The following NCOR2 variants were observed in gnomAD, a reference collection of about 807,000 sequenced individuals.
The protein encoded by NCOR2 is nuclear receptor corepressor 2, also known as CTG repeat protein 26.
In NCOR2, 81 loss-of-function variants were observed where a neutral mutation model predicts 262.9. The ratio of observed to expected loss-of-function variants is 0.31; its 90% CI spans 0.26 to 0.37. The LOEUF is 0.37. Ranked by LOEUF, NCOR2 falls within the 10% of genes least tolerant of loss-of-function variation. The pLI, the probability that NCOR2 is intolerant of heterozygous loss-of-function variation, is 1.00. For missense variants in NCOR2, 3,385 were observed against 3,621.4 expected, an observed-to-expected ratio of 0.93 and a Z score of 1.68; for synonymous variants, 1,659 against 1,559.3, an observed-to-expected ratio of 1.06 and a Z score of -1.51.
chr12:124,505,438 G>A, intron 1 of NCOR2, among the ~76,000 whole-genome samples: 1 of 151,716 alleles, frequency 6.6e-6, no homozygotes, highest in African/African-American at 2.4e-5. Flanking sequence ...AGCTATGGAG[G>A]CTGTGGGCTG....
intron 1 of NCOR2, among the ~76,000 whole-genome samples, chr12:124,559,164 CT>C (rs1356166729): frequency 3.3e-5 from 5 of 152,216 alleles, no homozygotes; most frequent in Admixed American, 3.3e-4. Context: ...TTTGACTTAC[CT>C]TTCCCCCCAC....
In NCOR2 at chr12:124,334,540, GA is replaced by G; in HGVS notation, c.6488del (p.Phe2163SerfsTer66). ...CCAGGACGGGGCAGCTGGCCCCAGG[GA>G]AGGAGTAGAGGGGGGCGGGCAGGGG... On this transcript the variant is annotated frameshift_variant, in exon 41 of 47. Transcript: ENST00000405201. LOFTEE classifies it high-confidence loss of function. 1 of 1,430,190 alleles carries G rather than the reference GA, an allele frequency of 7.0e-7. No individual in the cohort carries two copies. The highest frequency in any genetic ancestry group is 3.0e-5 in the Admixed American group (1 of 33,010). The allele number at this position is 1,430,190 out of a possible 1,614,324, so 88.6% of individuals were successfully genotyped here. A position where few individuals can be genotyped will look rare whatever the true frequency, so the allele number is the denominator to read the frequency against.
chr12:124,359,416 C>G (rs916271932), intron 22 of NCOR2, among the ~76,000 whole-genome samples: 1 of 152,232 alleles, frequency 6.6e-6, no homozygotes, highest in Non-Finnish European at 1.5e-5. Flanking sequence ...GGCAAGAAGG[C>G]CTATGTACCA....
In NCOR2 at chr12:124,481,812, C is replaced by T. The variant is rs2047508327; in HGVS notation, c.411+1784G>A. 6.6e-6 allele frequency among the ~76,000 whole-genome samples: 1 copy of T among 152,038 alleles called. No homozygotes were observed. The highest frequency in any genetic ancestry group is 1.5e-5 in the Non-Finnish European group (1 of 68,004). On this transcript the variant is annotated intron_variant, in intron 3 of 46. Transcript: ENST00000405201. The surrounding 1 kb of genome is among the most constrained non-coding windows in gnomAD (Gnocchi z 4.6). ...ACACACAGGGGGATGCAGTCGTCTG[C>T]CTTTATAAGAGCCCTCTGGCTGCTG...
upstream of NCOR2, chr12:124,495,313 C>T: frequency 1.3e-6 from 2 of 1,540,760 alleles, no homozygotes; most frequent in Non-Finnish European, 1.7e-6. This position sits in a 1 kb window ranked among gnomAD's most constrained non-coding sequence, Gnocchi z 4.4. Flanking sequence ...TAATCACCAC[C>T]AAGGATTAAA....
At chr12:124,460,954 C>T (rs546326026) in intron 5 of NCOR2, among the ~76,000 whole-genome samples, 6 of 152,356 alleles carry the variant, frequency 3.9e-5, no homozygotes, top group Admixed American at 1.3e-4. Flanking sequence ...CTTCCCCATG[C>T]GGGCCCAAGG....
chr12:124,388,336 G>A (rs527682828), intron 16 of NCOR2, among the ~76,000 whole-genome samples: 1 of 152,248 alleles, frequency 6.6e-6, no homozygotes, highest in South Asian at 2.1e-4. Flanking sequence ...CCAGGCAGAG[G>A]CTGCCAGGCA....
intron 13 of NCOR2, among the ~76,000 whole-genome samples, chr12:124,412,994 G>T (rs1180253641): frequency 2.6e-5 from 4 of 152,232 alleles, no homozygotes; most frequent in Non-Finnish European, 4.4e-5. Context: ...GGTGTCTGAG[G>T]AAGTCGGAAG....
At chr12:124,459,053 T>C (rs545312354) in intron 5 of NCOR2, among the ~76,000 whole-genome samples, 1 of 152,166 alleles carries the variant, frequency 6.6e-6, no homozygotes, top group South Asian at 2.1e-4. Context: ...TTAAGAGCAG[T>C]AACAGCAGAT....
At chr12:124,560,215 G>A (rs1324444869) in intron 1 of NCOR2, among the ~76,000 whole-genome samples, 2 of 152,180 alleles carry the variant, frequency 1.3e-5, no homozygotes, top group African/African-American at 4.8e-5. Context: ...TTCTGCAAAG[G>A]GCCAGAGAGT....
At position 124,542,020 on chromosome 12, in the gene NCOR2, A is replaced by G. The variant is rs189397248; in HGVS notation, c.-164-6409T>C. Among the ~76,000 whole-genome samples, 264 of 151,762 alleles carry G rather than the reference A, an allele frequency of 1.7e-3. 1 individual carries two copies. Among genetic ancestry groups the G allele is most frequent in the African/African-American group, 6.0e-3 (246 of 41,294 alleles). On this transcript the variant is annotated intron_variant, in intron 1 of 32. Transcript: ENST00000458234. ...GTGGAACACATAACTGAGTAGGAACAGTGTGGGGCAGGGCCAGCGAGGACA... is the reference window on the plus strand; with the variant it reads ...GTGGAACACATAACTGAGTAGGAACGGTGTGGGGCAGGGCCAGCGAGGACA...
At chr12:124,325,684 T>C in intron 46 of NCOR2, 101 bp from the exon 49 acceptor site, 4 of 758,852 alleles carry the variant, frequency 5.3e-6, no homozygotes, top group Non-Finnish European at 7.4e-6. Context: ...TCAGCGTTTC[T>C]GTCCAACAGT....
At chr12:124,339,904 C>CCCCCCCCCTATACCTCCCCCCA in intron 37 of NCOR2, 102 bp downstream of exon 39, 2 of 776,824 alleles carry the variant, frequency 2.6e-6, no homozygotes, top group Non-Finnish European at 4.0e-6. Flanking sequence ...CCCACCCACC[C>CCCCCCCCCTATACCTCCCCCCA]ACCTCCCATA....
chr12:124,555,156 T>C (rs921200341), intron 1 of NCOR2, among the ~76,000 whole-genome samples: 1 of 152,346 alleles, frequency 6.6e-6, no homozygotes, highest in East Asian at 1.9e-4. Context: ...CTAATAGTTC[T>C]GGCCACACCG....
intron 1 of NCOR2, among the ~76,000 whole-genome samples, chr12:124,505,149 C>T (rs891920305): frequency 6.6e-6 from 1 of 152,226 alleles, no homozygotes; most frequent in Non-Finnish European, 1.5e-5. Context: ...TTGCCACGTC[C>T]CCTCCTACTC....
intron 5 of NCOR2, among the ~76,000 whole-genome samples, chr12:124,463,739 G>C (rs538440552): frequency 3.8e-4 from 58 of 152,354 alleles, no homozygotes; most frequent in African/African-American, 1.3e-3. Flanking sequence ...AGTCCTGGCT[G>C]CTCCTGCCAA....
At position 124,481,444 on chromosome 12, in the gene NCOR2, G is replaced by A. The variant is rs527922009; in HGVS notation, c.411+2152C>T. Among the ~76,000 whole-genome samples, 84 of 152,278 alleles carry A rather than the reference G, an allele frequency of 5.5e-4. 1 individual carries two copies. Among genetic ancestry groups the A allele is most frequent in the Admixed American group, 3.1e-3 (47 of 15,310 alleles). ...TGCAGCCTCAGCCATGAGTGGCCTC[G>A]AGAGTCCCCACAGGGCTAGCCACAG... On this transcript the variant is annotated intron_variant, in intron 3 of 46. Transcript: ENST00000405201. The surrounding 1 kb of genome is among the most constrained non-coding windows in gnomAD (Gnocchi z 4.6).
chr12:124,359,825 G>A (rs1482726157), intron 22 of NCOR2, among the ~76,000 whole-genome samples: 6 of 152,258 alleles, frequency 3.9e-5, no homozygotes, highest in Admixed American at 6.5e-5. Flanking sequence ...GCTCTGTGTG[G>A]GAGCCAGGGG....
At chr12:124,345,895 G>A (rs1593147932) in intron 31 of NCOR2, among the ~76,000 whole-genome samples, 5 of 152,262 alleles carry the variant, frequency 3.3e-5, no homozygotes, top group Admixed American at 3.3e-4. Context: ...GGCCACCTCT[G>A]CCCATGTGGA....
Sources: gnomAD v4.1 joint callset for allele counts (sites outside exome capture counted in the v4.1 genomes callset) on GRCh38, gnomAD v4.1.1 for gene constraint, Gnocchi (gnomAD v3.1) non-coding constraint, MANE v1.5 for transcripts, NCBI Gene and HGNC (gene_info 2026-07-23, HGNC 2026-07-21) for gene names.